The following ZNF69 variants were observed in gnomAD, a reference collection of about 807,000 sequenced individuals.
ZNF69 encodes the protein zinc finger protein 69.
In ZNF69, 47 loss-of-function variants were observed where a neutral mutation model predicts 50.9. The observed-to-expected ratio is 0.92, with a 90% CI of 0.73 to 1.18. ZNF69 has a LOEUF of 1.18. Ranked by LOEUF, ZNF69 falls within the 50% of genes most tolerant of loss-of-function variation. The pLI, the probability that ZNF69 is intolerant of heterozygous loss-of-function variation, is 0.00. For missense variants in ZNF69, 717 were observed against 675.1 expected, an observed-to-expected ratio of 1.06 and a Z score of -0.69; for synonymous variants, 216 against 223.1, an observed-to-expected ratio of 0.97 and a Z score of 0.29.
At chr19:11,921,539 G>A in the ZNF69 span, among the ~76,000 whole-genome samples, 1 of 151,758 alleles carries the variant, frequency 6.6e-6, no homozygotes, top group Non-Finnish European at 1.5e-5. Context: ...GTCTCACTCT[G>A]TCATCCAGGC....
the ZNF69 span, among the ~76,000 whole-genome samples, chr19:11,970,419 A>G: frequency 6.6e-6 from 1 of 152,232 alleles, no homozygotes; most frequent in Non-Finnish European, 1.5e-5. Context: ...TTCTTCTGTT[A>G]TAACAACGTT....
intron 1 of ZNF69, among the ~76,000 whole-genome samples, chr19:11,893,615 G>A (rs978674781): frequency 2.6e-5 from 4 of 152,146 alleles, no homozygotes; most frequent in Admixed American, 6.5e-5. Context: ...TGTGTCTTCA[G>A]TGCACCCTCC....
exon 5 of ZNF69, chr19:11,914,257 A>G (rs1215551187): frequency 6.6e-6 from 1 of 152,016 alleles, no homozygotes; most frequent in Non-Finnish European, 1.5e-5. Flanking sequence ...CAGACGTTGC[A>G]GTGAGCCGAG....
the ZNF69 span, among the ~76,000 whole-genome samples, chr19:11,966,420 C>T: frequency 2.6e-5 from 4 of 152,204 alleles, no homozygotes; most frequent in African/African-American, 7.2e-5. Context: ...GTCGCCCAGG[C>T]TGGAGTGCAA....
At chr19:11,957,354 A>C in the ZNF69 span, among the ~76,000 whole-genome samples, 5 of 151,712 alleles carry the variant, frequency 3.3e-5, no homozygotes, top group Admixed American at 6.6e-5. Flanking sequence ...TCGGCCTCCC[A>C]AAGTGCTGGG....
the ZNF69 span, among the ~76,000 whole-genome samples, chr19:11,955,431 G>T: frequency 7.2e-6 from 1 of 139,506 alleles, no homozygotes; most frequent in Non-Finnish European, 1.6e-5. Flanking sequence ...TCTGGCTCTG[G>T]TGCCCAGGCT....
At chr19:11,964,450 TG>T in the ZNF69 span, among the ~76,000 whole-genome samples, 1,136 of 152,316 alleles carry the variant, frequency 7.5e-3, 5 homozygotes, top group Non-Finnish European at 0.011. Flanking sequence ...AAAGGGTTCA[TG>T]AAGTTGACAG....
chr19:11,948,282 CAT>C, the ZNF69 span: 1 of 1,612,824 alleles, frequency 6.2e-7, no homozygotes, highest in Non-Finnish European at 8.5e-7. Flanking sequence ...ACAGGAGTCT[CAT>C]AGAAGAGAAA....
chr19:11,903,997 T>G (rs1479929732), intron 3 of ZNF69, 32 bp downstream of exon 3: 25 of 1,599,890 alleles, frequency 1.6e-5, no homozygotes, highest in Non-Finnish European at 2.0e-5. Flanking sequence ...AAGCAGTGTC[T>G]CTCTAGACAA....
the ZNF69 span, among the ~76,000 whole-genome samples, chr19:11,929,028 A>G: frequency 4.0e-5 from 6 of 148,704 alleles, 1 homozygote; most frequent in Admixed American, 2.6e-4. Flanking sequence ...GGTAGGAAAG[A>G]AGGCGAATCT....
At chr19:11,977,558 A>G in the ZNF69 span, 1 of 1,237,978 alleles carries the variant, frequency 8.1e-7, no homozygotes, top group Non-Finnish European at 1.1e-6. Context: ...TATTTTCTCA[A>G]AATCATATAT....
chr19:11,924,812 C>T, the ZNF69 span, among the ~76,000 whole-genome samples: 1 of 152,172 alleles, frequency 6.6e-6, no homozygotes, highest in African/African-American at 2.4e-5. Flanking sequence ...ACTCCTGTGA[C>T]CCCGTGCAGA....
chr19:11,943,233 G>A, the ZNF69 span, among the ~76,000 whole-genome samples: 1 of 152,168 alleles, frequency 6.6e-6, no homozygotes, highest in South Asian at 2.1e-4. Context: ...ACTTTGTTAT[G>A]TCCTTAACTA....
chr19:11,910,289 G>A (rs576345573), downstream of ZNF69, among the ~76,000 whole-genome samples: 1,291 of 152,116 alleles, frequency 8.5e-3, 16 homozygotes, highest in African/African-American at 0.03. Context: ...TCAAGCTACC[G>A]ATGACTTTCT....
At chr19:11,924,431 C>CA in the ZNF69 span, among the ~76,000 whole-genome samples, 9,201 of 64,420 alleles carry the variant, frequency 0.14, 955 homozygotes, top group African/African-American at 0.3. Flanking sequence ...GACTCCGTCT[C>CA]AAAAAAAAAA....
the ZNF69 span, among the ~76,000 whole-genome samples, chr19:11,934,243 C>CGTTTT: frequency 6.8e-6 from 1 of 147,928 alleles, no homozygotes; most frequent in African/African-American, 2.7e-5. Flanking sequence ...AGTAAGGCTG[C>CGTTTT]TAAAAACGTC....
downstream of ZNF69, among the ~76,000 whole-genome samples, chr19:11,917,706 G>A (rs1473846477): frequency 6.6e-6 from 1 of 151,692 alleles, no homozygotes; most frequent in Non-Finnish European, 1.5e-5. Context: ...GCGTGATCTC[G>A]GCTCACTGCA....
the ZNF69 span, among the ~76,000 whole-genome samples, chr19:11,928,153 A>G: frequency 6.6e-6 from 1 of 151,906 alleles, no homozygotes; most frequent in South Asian, 2.1e-4. Flanking sequence ...CACCTGGCTA[A>G]TTTTTTATTT....
the ZNF69 span, among the ~76,000 whole-genome samples, chr19:11,941,808 C>T: frequency 2.4e-3 from 370 of 152,350 alleles, 5 homozygotes; most frequent in Non-Finnish European, 2.6e-3. Context: ...GCAGGGGAGG[C>T]GCCAAGAGCG....
Sources: gnomAD v4.1 joint callset for allele counts (sites outside exome capture counted in the v4.1 genomes callset) on GRCh38, gnomAD v4.1.1 for gene constraint, MANE v1.5 for transcripts, NCBI Gene and HGNC (gene_info 2026-07-23, HGNC 2026-07-21) for gene names.